ATRN: variants seen among roughly 807,000 people sequenced by gnomAD.
The protein encoded by ATRN is attractin-2.
Under a neutral mutation model 178.7 loss-of-function variants are expected in ATRN, and 54 were observed. The ratio of observed to expected loss-of-function variants is 0.30; its 90% confidence interval spans 0.24 to 0.38. The LOEUF (loss-of-function observed/expected upper bound fraction) is 0.38. ATRN is among the 10% of genes least tolerant of loss of function. ATRN has a pLI of 1.00. For synonymous variants in ATRN, 636 were observed against 663.0 expected, an observed-to-expected ratio of 0.96 and a Z score of 0.63; for missense variants, 1,443 against 1,815.1, an observed-to-expected ratio of 0.79 and a Z score of 3.73.
chr20:3,490,994 T>A, intron 1 of ATRN: 1 of 1,523,704 alleles, frequency 6.6e-7, no homozygotes, highest in Non-Finnish European at 9.1e-7. Context: ...GCTGCTCCAG[T>A]ATTGTCTCCA....
At chr20:3,476,341 G>T (rs943478168) in intron 1 of ATRN, among the ~76,000 whole-genome samples, 1 of 152,122 alleles carries the variant, frequency 6.6e-6, no homozygotes, top group African/African-American at 2.4e-5. Flanking sequence ...GCCCAAACCT[G>T]TGTTCTTTTT....
chr20:3,576,149 A>G (rs766004035), intron 13 of ATRN, among the ~76,000 whole-genome samples: 8 of 152,056 alleles, frequency 5.3e-5, no homozygotes, highest in Non-Finnish European at 1.2e-4. Context: ...GAATTTGTGT[A>G]TTGTGTTTTA....
In ATRN at chr20:3,500,580, G is replaced by A. The variant is rs541688237; in HGVS notation, c.410+29063G>A. ...AAATCATCATTCTCAGTAAACTATC[G>A]CAAGAACAAAAAACCAAACACTGCA... On this transcript the variant is annotated intron_variant, in intron 1 of 28. Coordinates refer to ENST00000262919, the MANE Select transcript of ATRN (RefSeq NM_139321.3). Among the ~76,000 whole-genome samples, 269 of 150,442 alleles carry A rather than the reference G, an allele frequency of 1.8e-3. 2 individuals are homozygous for A. The highest frequency in any genetic ancestry group is 6.0e-3 in the African/African-American group (247 of 40,964).
chr20:3,578,873 G>C, intron 15 of ATRN, 101 bp downstream of exon 15: 1 of 1,160,978 alleles, frequency 8.6e-7, no homozygotes, highest in Non-Finnish European at 1.2e-6. Flanking sequence ...TGTGTGACGT[G>C]CTTGGCAAGA....
At position 3,572,757 on chromosome 20, in the gene ATRN, A is replaced by C. The variant is rs762139676; in HGVS notation, c.1898A>C (p.Asn633Thr). 6.2e-7 allele frequency: 1 copy of C among 1,613,974 alleles called. No homozygotes were observed. Among genetic ancestry groups the C allele is most frequent in the Admixed American group, 1.7e-5 (1 of 59,974 alleles). The change falls in exon 12 of 29, where the codon AAT (asparagine) becomes ACT (threonine). Residue 633 changes from asparagine (N) to threonine (T), a missense_variant. Coordinates refer to ENST00000262919, the MANE Select transcript of ATRN (RefSeq NM_139321.3). ...NSTMYVFGGF[N>T]SLLLSDILVF... is the part of the protein sequence containing the mutation. ...ACCATGTATGTGTTCGGTGGTTTCA[A>C]TAGTCTCCTCCTCAGCGACATCCTG...
chr20:3,542,607 C>T (rs1258908803), intron 3 of ATRN, among the ~76,000 whole-genome samples: 1 of 130,854 alleles, frequency 7.6e-6, no homozygotes, highest in Non-Finnish European at 1.7e-5. Context: ...CCCCTTCCCC[C>T]TTCCCCCTTC....
chr20:3,632,458 C>G lies in ATRN; in HGVS notation c.3864-1853C>G, dbSNP rs375706522. 6.6e-6 allele frequency among the ~76,000 whole-genome samples: 1 copy of G among 152,178 alleles called. No homozygotes were observed. Among genetic ancestry groups the G allele is most frequent in the African/African-American group, 2.4e-5 (1 of 41,464 alleles). On this transcript the variant is annotated intron_variant, in intron 25 of 28. Transcript: ENST00000262919. The surrounding 1 kb of genome is among the most constrained non-coding windows in gnomAD (Gnocchi z 4.2). ...ACCCCACTCCAAACATGCTGGCCTC[C>G]TGAGGCTCCCCAAGCCATCCCAGGC...
intron 12 of ATRN, 31 bp downstream of exon 12, chr20:3,572,982 A>G (rs1351185734): frequency 9.5e-6 from 15 of 1,587,252 alleles, no homozygotes; most frequent in Non-Finnish European, 1.3e-5. Context: ...TTAGATTTTA[A>G]TGAATTTGAG....
intron 1 of ATRN, among the ~76,000 whole-genome samples, chr20:3,531,186 A>G (rs2085449169): frequency 2.0e-5 from 3 of 152,166 alleles, no homozygotes; most frequent in South Asian, 2.1e-4. Flanking sequence ...CTTGTTGGCC[A>G]TTTATTAGAA....
chr20:3,626,068 C>CA (rs1236039387), intron 25 of ATRN, among the ~76,000 whole-genome samples: 1 of 151,872 alleles, frequency 6.6e-6, no homozygotes, highest in East Asian at 1.9e-4. Flanking sequence ...CTTGTCTCTA[C>CA]AAAAAATACA....
At chr20:3,577,786 C>T (rs142682458) in intron 14 of ATRN, among the ~76,000 whole-genome samples, 88 of 152,258 alleles carry the variant, frequency 5.8e-4, no homozygotes, top group East Asian at 1.5e-3. Flanking sequence ...CTAGAGTGTG[C>T]ATTTTATCTA....
At chr20:3,624,464 G>A in intron 24 of ATRN, 47 bp from the exon 25 acceptor site, 2 of 1,440,178 alleles carry the variant, frequency 1.4e-6, no homozygotes, top group South Asian at 1.2e-5. Context: ...TGAATCCGTG[G>A]TGGTTTCATG....
intron 24 of ATRN, among the ~76,000 whole-genome samples, chr20:3,616,360 C>T (rs142905747): frequency 5.8e-4 from 88 of 152,224 alleles, no homozygotes; most frequent in African/African-American, 2.1e-3. Context: ...GCAGGCACCT[C>T]GTTAGAAGCT....
intron 22 of ATRN, among the ~76,000 whole-genome samples, chr20:3,600,186 A>T (rs972162157): frequency 4.6e-5 from 7 of 152,222 alleles, no homozygotes; most frequent in African/African-American, 7.2e-5. Flanking sequence ...CACCAACAGT[A>T]CACTTCCTCC....
chr20:3,634,240 T>C, intron 25 of ATRN, 71 bp from the exon 26 acceptor site: 4 of 1,454,196 alleles, frequency 2.8e-6, no homozygotes, highest in Non-Finnish European at 2.9e-6. Flanking sequence ...CTGCCTGGCC[T>C]GAGGTGTGGG....
chr20:3,525,250 A>G (rs534877666), intron 1 of ATRN, among the ~76,000 whole-genome samples: 10 of 152,354 alleles, frequency 6.6e-5, no homozygotes, highest in South Asian at 2.1e-4. Flanking sequence ...AGAAACTGCC[A>G]TCAGAGAATA....
chr20:3,480,038 C>G (rs1474607808), intron 1 of ATRN, among the ~76,000 whole-genome samples: 1 of 152,168 alleles, frequency 6.6e-6, no homozygotes, highest in Non-Finnish European at 1.5e-5. Context: ...CCCACAGCAC[C>G]TGGAGAACTG....
rs535888960 is a variant in ATRN, at chr20:3,645,754, C to A, written c.4166-969C>A. Among the ~76,000 whole-genome samples, 8 of 152,002 alleles carry A rather than the reference C, an allele frequency of 5.3e-5. No individual in the cohort carries two copies. Among genetic ancestry groups the A allele is most frequent in the Non-Finnish European group, 1.2e-4 (8 of 68,008 alleles). On this transcript the variant is annotated intron_variant, in intron 28 of 28. Transcript: ENST00000262919. This position sits in a 1 kb window ranked among gnomAD's most constrained non-coding sequence, Gnocchi z 4.7. ...TGCCAGGCACTTACAGCTGTCTACC[C>A]CCACCCCCACTCCCCTTCACAGGCT...
rs544053185 is a variant in ATRN at position 3,511,438 on chromosome 20, G to GT, written c.411-23805dup. On this transcript the variant is annotated intron_variant, in intron 1 of 28. Transcript: ENST00000262919. ...AAATCAGGAGGATTTTTTTTAGTAG[G>GT]TTTTTTTTTTAATATAAGCTACATT... Among the ~76,000 whole-genome samples, 537 of 148,288 alleles carry GT rather than the reference G, an allele frequency of 3.6e-3. 1 individual carries two copies. The highest frequency in any genetic ancestry group is 0.011 in the Middle Eastern group (3 of 284).
Sources: allele counts gnomAD v4.1 joint callset (sites outside exome capture counted in the v4.1 genomes callset), GRCh38; gene constraint gnomAD v4.1.1; non-coding constraint Gnocchi (gnomAD v3.1); transcripts MANE v1.5; gene names NCBI Gene and HGNC (gene_info 2026-07-23, HGNC 2026-07-21).